The following VARS2 variants were observed in gnomAD, a reference collection of about 807,000 sequenced individuals.
VARS2 encodes valine--tRNA ligase, mitochondrial.
A neutral mutation model predicts 154.1 loss-of-function variants in VARS2; 105 were observed. That is an observed-to-expected ratio of 0.68 (90% confidence interval 0.58 to 0.80). VARS2 has a LOEUF of 0.80. Among genes scored for constraint, VARS2 ranks in the 30% least tolerant of loss-of-function variants. VARS2 has a pLI of 0.00. For synonymous variants in VARS2, 483 were observed against 539.5 expected, an observed-to-expected ratio of 0.90 and a Z score of 1.45; for missense variants, 1,157 against 1,361.4, an observed-to-expected ratio of 0.85 and a Z score of 2.36.
At position 30,921,445 on chromosome 6, in the gene VARS2, A is replaced by G; in HGVS notation, c.1632+140A>G. 1 of 1,412,978 alleles carries G rather than the reference A, an allele frequency of 7.1e-7. No homozygotes were observed. The highest frequency in any genetic ancestry group is 9.8e-7 in the Non-Finnish European group (1 of 1,020,700). The allele number at this position is 1,412,978 out of a possible 1,614,324, so 87.5% of individuals were successfully genotyped here. A position where few individuals can be genotyped will look rare whatever the true frequency, so the allele number is the denominator to read the frequency against. ...AGTCATGTAACCTTCTGCGCGATCA[A>G]GGCTCCCTGAAGTGGCATTTCTTTA... On this transcript the variant is annotated intron_variant, in intron 17 of 29. Transcript: ENST00000676266. This position sits in a 1 kb window ranked among gnomAD's most constrained non-coding sequence, Gnocchi z 4.6.
chr6:30,920,479 G>A lies in VARS2; in HGVS notation c.1397+43G>A. On this transcript the variant is annotated intron_variant, in intron 14 of 29. Transcript: ENST00000676266. The surrounding 1 kb of genome is among the most constrained non-coding windows in gnomAD (Gnocchi z 4.6). ...CCTTTACTAAGGGCTACCCCAAAAG[G>A]GAATGTATGGAGCTTAAGGGTGACA... The A allele has an allele frequency of 6.4e-7, 1 of 1,550,828 alleles. No homozygotes were observed. The highest frequency in any genetic ancestry group is 8.7e-7 in the Non-Finnish European group (1 of 1,146,172).
chr6:30,918,841 G>A lies in VARS2; in HGVS notation c.1000G>A (p.Val334Ile). 1 of 1,612,996 alleles carries A rather than the reference G, an allele frequency of 6.2e-7. No individual in the cohort carries two copies. Among genetic ancestry groups the A allele is most frequent in the Non-Finnish European group, 8.5e-7 (1 of 1,180,028 alleles). ...VDGEPDAEVV[V>I]GTTRPETLPG... ...TTTATCTTCAGATGCAGAGGTTGTG[G>A]TAGGAACCACAAGGCCAGAGACGCT... Residue 334 changes from valine to isoleucine, a missense_variant, in exon 11 of 30, where the codon GTA (valine) becomes ATA (isoleucine). Transcript: ENST00000676266.
rs1169871767 is a variant in VARS2 at position 30,914,284 on chromosome 6, T to G, written c.-88T>G. 24 of 946,602 alleles carry G rather than the reference T, an allele frequency of 2.5e-5. No individual in the cohort carries two copies. Among genetic ancestry groups the G allele is most frequent in the Non-Finnish European group, 3.0e-5 (22 of 725,156 alleles). 58.6% of individuals were successfully genotyped at this position (946,602 alleles called of 1,614,324 possible). On this transcript the variant is annotated 5_prime_UTR_variant, in exon 1 of 30. Coordinates refer to ENST00000676266, the MANE Select transcript of VARS2 (RefSeq NM_020442.6). Reference sequence around the variant, plus strand: ...CCAGGGCCACGTTCCAGGGTCGGGTTTGGTGGATTCCTCAGTCCCTGCCGC... The same window carrying G: ...CCAGGGCCACGTTCCAGGGTCGGGTGTGGTGGATTCCTCAGTCCCTGCCGC...
chr6:30,921,809 C>T lies in VARS2; in HGVS notation c.1736-116C>T, dbSNP rs1318186613. On this transcript the variant is annotated intron_variant, in intron 18 of 29. Transcript: ENST00000676266. This position sits in a 1 kb window ranked among gnomAD's most constrained non-coding sequence, Gnocchi z 4.6. ...GGGTCAGGAAAGTTGGGAATGGAGC[C>T]AAAGGGGACAGCCCTGGTCTCTGGG... 1.3e-6 allele frequency: 2 copies of T among 1,547,216 alleles called. No individual in the cohort carries two copies. The highest frequency in any genetic ancestry group is 2.7e-5 in the African/African-American group (2 of 73,254).
At position 30,920,926 on chromosome 6, in the gene VARS2, A is replaced by C; in HGVS notation, c.1480-139A>C. 2 of 1,155,744 alleles carry C rather than the reference A, an allele frequency of 1.7e-6. No individual in the cohort carries two copies. The highest frequency in any genetic ancestry group is 2.4e-6 in the Non-Finnish European group (2 of 829,938). The allele number at this position is 1,155,744 out of a possible 1,614,324, so 71.6% of individuals were successfully genotyped here. A position where few individuals can be genotyped will look rare whatever the true frequency, so the allele number is the denominator to read the frequency against. Reference sequence around the variant, plus strand: ...CCAGCAAGGGCTGGCTCATATCCTTACTCAAGCCCAGAATCTTGGCAAGAG... The same window carrying C: ...CCAGCAAGGGCTGGCTCATATCCTTCCTCAAGCCCAGAATCTTGGCAAGAG... On this transcript the variant is annotated intron_variant, in intron 15 of 29. Transcript: ENST00000676266. The surrounding 1 kb of genome is among the most constrained non-coding windows in gnomAD (Gnocchi z 4.6).
At position 30,917,737 on chromosome 6, in the gene VARS2, C is replaced by T. The variant is rs1246102611; in HGVS notation, c.916C>T (p.Pro306Ser). Residue 306 changes from proline (P) to serine (S), a missense_variant, in exon 10 of 30, where the codon CCT becomes TCT. Pro to Ser is a moderately conservative substitution (Grantham distance 74). Coordinates refer to ENST00000676266, the MANE Select transcript of VARS2 (RefSeq NM_020442.6). This position sits in a 1 kb window ranked among gnomAD's most constrained non-coding sequence, Gnocchi z 4.4. ...PLPGHTQLRLPGCPTPVSFGL... is the reference protein window; with the variant it reads ...PLPGHTQLRLSGCPTPVSFGL... Reference sequence around the variant, plus strand: ...GCCTGGCCACACACAGCTTCGACTGCCTGGCTGCCCCACCCCCGTGTCTTT... The same window carrying T: ...GCCTGGCCACACACAGCTTCGACTGTCTGGCTGCCCCACCCCCGTGTCTTT... 1 of 1,568,304 alleles carries T rather than the reference C, an allele frequency of 6.4e-7. No homozygotes were observed. Among genetic ancestry groups the T allele is most frequent in the East Asian group, 2.4e-5 (1 of 42,500 alleles).
intron 28 of VARS2, 33 bp downstream of exon 28, chr6:30,925,752 G>A (rs1366124435): frequency 6.2e-7 from 1 of 1,610,748 alleles, no homozygotes; most frequent in East Asian, 2.2e-5. Context: ...GTTAGGGCAG[G>A]CTTGGGAAGC....
chr6:30,919,148 T>A lies in VARS2; in HGVS notation c.1074+233T>A, dbSNP rs2150557025. The A allele has an allele frequency of 2.0e-6, 1 of 493,178 alleles. No homozygotes were observed. The highest frequency in any genetic ancestry group is 3.7e-6 in the Non-Finnish European group (1 of 272,402). 30.6% of individuals were successfully genotyped at this position (493,178 alleles called of 1,614,324 possible). A position where few individuals can be genotyped will look rare whatever the true frequency, so the allele number is the denominator to read the frequency against. On this transcript the variant is annotated intron_variant, in intron 11 of 29. Transcript: ENST00000676266. This position sits in a 1 kb window ranked among gnomAD's most constrained non-coding sequence, Gnocchi z 4.5. ...CGGCCTTTTTTTTTGAGACAGAGTCTCGCTCTGTCACCAAGGCTGGAGGGC... is the reference window on the plus strand; with the variant it reads ...CGGCCTTTTTTTTTGAGACAGAGTCACGCTCTGTCACCAAGGCTGGAGGGC...
rs1794637259 is a variant in VARS2 at position 30,923,149 on chromosome 6, A to G, written c.2231A>G (p.His744Arg). The G allele has an allele frequency of 1.9e-6, 3 of 1,613,096 alleles. No homozygotes were observed. The highest frequency in any genetic ancestry group is 2.5e-6 in the Non-Finnish European group (3 of 1,180,022). ...GTCTCTGAGGTCCAGAGCTGCCGACATTTCTGCAACAAGATCTGGAATGCT... is the reference window on the plus strand; with the variant it reads ...GTCTCTGAGGTCCAGAGCTGCCGACGTTTCTGCAACAAGATCTGGAATGCT... ...LSVSEVQSCR[H>R]FCNKIWNALR... Residue 744 changes from histidine (H) to arginine (R), a missense_variant, in exon 24 of 30, where the codon CAT becomes CGT. Coordinates refer to ENST00000676266, the MANE Select transcript of VARS2 (RefSeq NM_020442.6).
At chr6:30,924,711 G>A (rs1040461366) in intron 26 of VARS2, 151 bp downstream of exon 26, 53 of 598,408 alleles carry the variant, frequency 8.9e-5, no homozygotes, top group Middle Eastern at 8.0e-4. Context: ...GGGTTGCTGC[G>A]ATGACCCTAG....
rs755747846 is a variant in VARS2 at position 30,922,217 on chromosome 6, C to T, written c.1908C>T (p.Leu636=). 11 of 1,612,340 alleles carry T rather than the reference C, an allele frequency of 6.8e-6. 1 individual carries two copies. Among genetic ancestry groups the T allele is most frequent in the East Asian group, 2.2e-5 (1 of 44,896 alleles). The change falls in exon 20 of 30, where the codon CTC becomes CTT. Residue 636 remains leucine, a synonymous_variant. Transcript: ENST00000676266. ...GCATGGTCATGTTGGGGACCCAGCT[C>T]ACAGGGCAGCTGCCCTTCAGCAAGG... ...VGRMVMLGTQ[L]TGQLPFSKVL...
Position 30,916,492 on chromosome 6 carries a change from A to G in VARS2, c.671+243A>G. On this transcript the variant is annotated intron_variant, in intron 7 of 29. Transcript: ENST00000676266. The surrounding 1 kb of genome is among the most constrained non-coding windows in gnomAD (Gnocchi z 4.0). ...TGTGTGTGTGTATTTATATATATAT[A>G]TATATTTTCTTTCTCTTTACTTACC... is the stretch of plus-strand genomic sequence containing the variant. 6.3e-6 allele frequency: 2 copies of G among 317,794 alleles called. 1 individual carries two copies. The highest frequency in any genetic ancestry group is 1.1e-5 in the Non-Finnish European group (2 of 181,592). 19.7% of individuals were successfully genotyped at this position (317,794 alleles called of 1,614,324 possible). A position where few individuals can be genotyped will look rare whatever the true frequency, so the allele number is the denominator to read the frequency against.
intron 25 of VARS2, 105 bp from the exon 26 acceptor site, chr6:30,924,249 C>T: frequency 8.5e-7 from 1 of 1,172,336 alleles, no homozygotes; most frequent in Non-Finnish European, 1.3e-6. Context: ...CTGCCTGTCC[C>T]TCTCTCCCAG....
Position 30,919,107 on chromosome 6 carries a change from G to A in VARS2, c.1074+192G>A, listed in dbSNP as rs1794350526. Reference sequence around the variant, plus strand: ...TCAGGGGTTGACAAACTGGCCCATGGTCCTAATCCAGCTTGCGGCCTTTTT... The same window carrying A: ...TCAGGGGTTGACAAACTGGCCCATGATCCTAATCCAGCTTGCGGCCTTTTT... On this transcript the variant is annotated intron_variant, in intron 11 of 29. Coordinates refer to ENST00000676266, the MANE Select transcript of VARS2 (RefSeq NM_020442.6). The surrounding 1 kb of genome is among the most constrained non-coding windows in gnomAD (Gnocchi z 4.5). The A allele has an allele frequency of 3.9e-5, 22 of 568,812 alleles. 1 individual carries two copies. In the South Asian group the frequency reaches 4.5e-4, roughly 12 times the overall value. The allele number at this position is 568,812 out of a possible 1,614,324, so 35.2% of individuals were successfully genotyped here.
rs774964773 is a variant in VARS2, at chr6:30,915,225, G to C, written c.271G>C (p.Gly91Arg). 1.2e-6 allele frequency: 2 copies of C among 1,614,000 alleles called. No individual in the cohort carries two copies. The highest frequency in any genetic ancestry group is 1.3e-5 in the African/African-American group (1 of 74,904). ...LVLYEIPTKP[G>R]EKKDVSGPLP... is the part of the protein sequence containing the mutation. ...ATTGTATGAAATCCCTACGAAACCCGGTGAAAAGAAAGGTAAGTAGAATAA... is the reference window on the plus strand; with the variant it reads ...ATTGTATGAAATCCCTACGAAACCCCGTGAAAAGAAAGGTAAGTAGAATAA... The change falls in exon 3 of 30, where the codon GGT becomes CGT. Residue 91 changes from glycine (G) to arginine (R), a missense_variant. Gly to Arg is a moderately radical substitution (Grantham distance 125). Transcript: ENST00000676266.
In VARS2 at chr6:30,921,348, G is replaced by A; in HGVS notation, c.1632+43G>A. 1 of 1,611,196 alleles carries A rather than the reference G, an allele frequency of 6.2e-7. No individual in the cohort carries two copies. The highest frequency in any genetic ancestry group is 1.1e-5 in the South Asian group (1 of 90,974). On this transcript the variant is annotated intron_variant, in intron 17 of 29. Coordinates refer to ENST00000676266, the MANE Select transcript of VARS2 (RefSeq NM_020442.6). The surrounding 1 kb of genome is among the most constrained non-coding windows in gnomAD (Gnocchi z 4.6). ...CCCGGAGGGCCGAGTGTGGCACAGA[G>A]CACCTAGCCCAGGAGTCAGAGCTCC... is the stretch of plus-strand genomic sequence containing the variant.
Position 30,921,747 on chromosome 6 carries a change from G to C in VARS2, c.1735+56G>C, listed in dbSNP as rs1241179541. 2.0e-6 allele frequency: 3 copies of C among 1,534,356 alleles called. No homozygotes were observed. Among genetic ancestry groups the C allele is most frequent in the Non-Finnish European group, 2.6e-6 (3 of 1,134,758 alleles). ...GGGGAGCGGGGGCCTGGGCATCTGGGCCTTTGAGGGGAACAGATCCCAAGA... is the reference window on the plus strand; with the variant it reads ...GGGGAGCGGGGGCCTGGGCATCTGGCCCTTTGAGGGGAACAGATCCCAAGA... On this transcript the variant is annotated intron_variant, in intron 18 of 29. Coordinates refer to ENST00000676266, the MANE Select transcript of VARS2 (RefSeq NM_020442.6). The surrounding 1 kb of genome is among the most constrained non-coding windows in gnomAD (Gnocchi z 4.6).
In VARS2 at chr6:30,917,697, G is replaced by A. The variant is rs147636694; in HGVS notation, c.876G>A (p.Val292=). Residue 292 remains valine, a splice_region_variant and synonymous_variant, in exon 10 of 30, where the codon GTG becomes GTA. Transcript: ENST00000676266. The surrounding 1 kb of genome is among the most constrained non-coding windows in gnomAD (Gnocchi z 4.4). ...ALRSAISDIE[V]ENRPLPGHTQ... is the part of the protein sequence containing the mutation. ...CCCAGCTTTCTCGGTGCCTCCAGGT[G>A]GAGAACCGGCCCCTGCCTGGCCACA... 2.1e-3 allele frequency: 3,302 copies of A among 1,555,994 alleles called. 6 individuals carry two copies. The highest frequency in any genetic ancestry group is 5.9e-3 in the African/African-American group (437 of 73,504).
chr6:30,914,763 C>T, intron 1 of VARS2, 47 bp from the exon 2 acceptor site: 2 of 1,535,984 alleles, frequency 1.3e-6, no homozygotes, highest in Non-Finnish European at 1.8e-6. Context: ...GGGAGTGACC[C>T]TTCTCCACCC....
Sources: allele counts gnomAD v4.1 joint callset, GRCh38; gene constraint gnomAD v4.1.1; non-coding constraint Gnocchi (gnomAD v3.1); transcripts MANE v1.5; gene names NCBI Gene and HGNC (gene_info 2026-07-23, HGNC 2026-07-21).